KIRREL3: variants seen among roughly 807,000 people sequenced by gnomAD.
KIRREL3 encodes kirre like nephrin family adhesion molecule 3, also known as kin of IRRE-like protein 3.
KIRREL3 carries 36 observed loss-of-function variants against 89.7 expected under a neutral mutation model. That is an observed-to-expected ratio of 0.40 (90% CI 0.31 to 0.53). The LOEUF (loss-of-function observed/expected upper bound fraction) is 0.53. Ranked by LOEUF, KIRREL3 falls within the 20% of genes least tolerant of loss-of-function variation. The probability of loss-of-function intolerance (pLI) is 0.49; values close to 1 mark genes in which losing one functional copy is unlikely to be tolerated. For synonymous variants in KIRREL3, 445 were observed against 441.4 expected, an observed-to-expected ratio of 1.01 and a Z score of -0.10; for missense variants, 864 against 1,056.6, an observed-to-expected ratio of 0.82 and a Z score of 2.53.
intron 1 of KIRREL3, among the ~76,000 whole-genome samples, chr11:126,914,651 A>C (rs1353284175): frequency 6.6e-6 from 1 of 152,230 alleles, no homozygotes; most frequent in African/African-American, 2.4e-5. Flanking sequence ...GGACATTGAG[A>C]ATGCCTGGGT....
intron 1 of KIRREL3, among the ~76,000 whole-genome samples, chr11:126,982,890 G>A (rs1349081294): frequency 6.6e-6 from 1 of 152,186 alleles, no homozygotes; most frequent in African/African-American, 2.4e-5. Flanking sequence ...TTAAAGGAGA[G>A]TTCTCATACT....
Position 126,508,243 on chromosome 11 carries a change from G to T in KIRREL3, c.433+13072C>A, listed in dbSNP as rs1258257749. On this transcript the variant is annotated intron_variant, in intron 4 of 16. Transcript: ENST00000525144. The surrounding 1 kb of genome is among the most constrained non-coding windows in gnomAD (Gnocchi z 4.9). The stretch of plus-strand genomic sequence containing the variant: ...ACATTTTTTGGAAGCCAGTTTTTTC[G>T]GGTTGTGGGACTCAGCTATTTATTT... Among the ~76,000 whole-genome samples, 1 of 152,146 alleles carries T rather than the reference G, an allele frequency of 6.6e-6. No individual in the cohort carries two copies.
At position 126,526,683 on chromosome 11, in the gene KIRREL3, T is replaced by G; in HGVS notation, c.138A>C (p.Gln46His). The change falls in exon 3 of 17, where the codon CAA (glutamine) becomes CAC (histidine). Residue 46 changes from glutamine (Q) to histidine (H), a missense_variant. Gln to His is a conservative substitution (Grantham distance 24). Transcript: ENST00000525144. This position sits in a 1 kb window ranked among gnomAD's most constrained non-coding sequence, Gnocchi z 5.7. ...GGGGCTGCTGGCTGAAGGAATAGAC[T>G]TGGCCTGGGAAGGAGACAAACACAA... is the stretch of plus-strand genomic sequence containing the variant. ...KDKFRRMNEG[Q>H]VYSFSQQPQD... 6.4e-7 allele frequency: 1 copy of G among 1,561,614 alleles called. No individual in the cohort carries two copies. The highest frequency in any genetic ancestry group is 8.7e-7 in the Non-Finnish European group (1 of 1,152,684).
rs915065379 is a variant in KIRREL3, at chr11:126,768,893, G to T, written c.56-205981C>A. 2.6e-5 allele frequency among the ~76,000 whole-genome samples: 4 copies of T among 152,348 alleles called. No individual in the cohort carries two copies. Among genetic ancestry groups the T allele is most frequent in the African/African-American group, 9.6e-5 (4 of 41,584 alleles). Reference sequence around the variant, plus strand: ...AGAGCCATGGCAAGAAGGCGATGTTGCTTCCCACATGCGTGGGAGCCGGTG... The same window carrying T: ...AGAGCCATGGCAAGAAGGCGATGTTTCTTCCCACATGCGTGGGAGCCGGTG... On this transcript the variant is annotated intron_variant, in intron 1 of 16. Transcript: ENST00000525144. This position sits in a 1 kb window ranked among gnomAD's most constrained non-coding sequence, Gnocchi z 4.5.
At chr11:126,725,838 T>TGA (rs1685740839) in intron 1 of KIRREL3, among the ~76,000 whole-genome samples, 1 of 152,172 alleles carries the variant, frequency 6.6e-6, no homozygotes, top group Admixed American at 6.5e-5. Flanking sequence ...CTGAGGGACT[T>TGA]TGTCAAGTTG....
rs1207333196 is a variant in KIRREL3, at chr11:126,558,666, TC to T, written c.133+4168del. On this transcript the variant is annotated intron_variant, in intron 2 of 16. Coordinates refer to ENST00000525144, the MANE Select transcript of KIRREL3 (RefSeq NM_032531.4). This position sits in a 1 kb window ranked among gnomAD's most constrained non-coding sequence, Gnocchi z 4.0. Reference sequence around the variant, plus strand: ...AGCTCTCTGAGGCAGGCACAGCCCCTCCCCTGATACATGTGACAGCCTTCTA... The same window carrying T: ...AGCTCTCTGAGGCAGGCACAGCCCCTCCCTGATACATGTGACAGCCTTCTA... 6.6e-6 allele frequency among the ~76,000 whole-genome samples: 1 copy of T among 152,136 alleles called. No individual in the cohort carries two copies. The highest frequency in any genetic ancestry group is 1.5e-5 in the Non-Finnish European group (1 of 68,018).
Position 126,652,094 on chromosome 11 carries a change from A to G in KIRREL3, c.56-89182T>C, listed in dbSNP as rs1944927943. On this transcript the variant is annotated intron_variant, in intron 1 of 16. Transcript: ENST00000525144. The surrounding 1 kb of genome is among the most constrained non-coding windows in gnomAD (Gnocchi z 4.9). ...ATCAATTCTGGGCCAGGAGGAAGAT[A>G]GGCACTAGTAGGTCTGATCTGTCTG... 6.6e-6 allele frequency among the ~76,000 whole-genome samples: 1 copy of G among 152,214 alleles called. No homozygotes were observed. Among genetic ancestry groups the G allele is most frequent in the African/African-American group, 2.4e-5 (1 of 41,472 alleles).
At chr11:126,672,361 G>A (rs1159707720) in intron 1 of KIRREL3, among the ~76,000 whole-genome samples, 1 of 152,102 alleles carries the variant, frequency 6.6e-6, no homozygotes, top group East Asian at 1.9e-4. Context: ...TACAAATAAA[G>A]TTGTTATAAA....
Position 126,645,724 on chromosome 11 carries a change from C to T in KIRREL3, c.56-82812G>A, listed in dbSNP as rs1944640725. On this transcript the variant is annotated intron_variant, in intron 1 of 16. Transcript: ENST00000525144. This position sits in a 1 kb window ranked among gnomAD's most constrained non-coding sequence, Gnocchi z 4.9. ...AACATTTCCCTGCCTCCCATTCTCCCTCGTTGTACTGAATGGCAGATAAGG... is the reference window on the plus strand; with the variant it reads ...AACATTTCCCTGCCTCCCATTCTCCTTCGTTGTACTGAATGGCAGATAAGG... Among the ~76,000 whole-genome samples the T allele has an allele frequency of 6.6e-6, 1 of 152,210 alleles. No individual in the cohort carries two copies. The highest frequency in any genetic ancestry group is 2.4e-5 in the African/African-American group (1 of 41,450).
At chr11:126,690,677 C>T (rs1040398076) in intron 1 of KIRREL3, among the ~76,000 whole-genome samples, 42 of 152,194 alleles carry the variant, frequency 2.8e-4, no homozygotes, top group Non-Finnish European at 1.0e-4. Context: ...ATGCAGGCTT[C>T]GCTGACTAAT....
At chr11:126,556,576 T>C (rs1392460640) in intron 2 of KIRREL3, among the ~76,000 whole-genome samples, 1 of 152,040 alleles carries the variant, frequency 6.6e-6, no homozygotes, top group Non-Finnish European at 1.5e-5. Context: ...AATTGGAGGC[T>C]ATAGTGAGCC....
chr11:126,592,138 C>A (rs1223695867), intron 1 of KIRREL3, among the ~76,000 whole-genome samples: 1 of 152,192 alleles, frequency 6.6e-6, no homozygotes, highest in Non-Finnish European at 1.5e-5. Context: ...TGGGGACTTG[C>A]ATGTGCTGGG....
rs533547832 is a variant in KIRREL3, at chr11:126,714,342, AGC to A, written c.56-151432_56-151431del. ...TGGCTTAGAGCAGCATAAAGAGGGGAGCGTGTGGCCCAGGCCGAGCCCTGATA... is the reference window on the plus strand; with the variant it reads ...TGGCTTAGAGCAGCATAAAGAGGGGAGTGTGGCCCAGGCCGAGCCCTGATA... On this transcript the variant is annotated intron_variant, in intron 1 of 16. Coordinates refer to ENST00000525144, the MANE Select transcript of KIRREL3 (RefSeq NM_032531.4). 1.1e-3 allele frequency among the ~76,000 whole-genome samples: 160 copies of A among 152,332 alleles called. 2 individuals carry two copies. In the South Asian group the frequency reaches 0.024, roughly 23 times the overall value.
At position 126,475,239 on chromosome 11, in the gene KIRREL3, C is replaced by T. The variant is rs555052693; in HGVS notation, c.434-1773G>A. Among the ~76,000 whole-genome samples the T allele has an allele frequency of 6.6e-6, 1 of 152,164 alleles. No individual in the cohort carries two copies. The highest frequency in any genetic ancestry group is 6.5e-5 in the Admixed American group (1 of 15,282). ...GAAGTTCAGAGCTGAACAGTCACAG[C>T]TCCGGGCCCGTCCTGACTCCACTGG... On this transcript the variant is annotated intron_variant, in intron 4 of 16. Coordinates refer to ENST00000525144, the MANE Select transcript of KIRREL3 (RefSeq NM_032531.4). This position sits in a 1 kb window ranked among gnomAD's most constrained non-coding sequence, Gnocchi z 7.5.
rs141963768 is a variant in KIRREL3 at position 126,928,548 on chromosome 11, C to A, written c.55+71907G>T. Among the ~76,000 whole-genome samples, 133 of 152,264 alleles carry A rather than the reference C, an allele frequency of 8.7e-4. 1 individual carries two copies. Among genetic ancestry groups the A allele is most frequent in the African/African-American group, 3.1e-3 (129 of 41,546 alleles). ...GGCGGACACTGTCATGAGCTGGAGG[C>A]TGAAGCCTGGGACCCCGACGTGGTG... On this transcript the variant is annotated intron_variant, in intron 1 of 16. Transcript: ENST00000525144.
At chr11:126,825,236 A>C (rs1002202490) in intron 1 of KIRREL3, among the ~76,000 whole-genome samples, 3 of 152,178 alleles carry the variant, frequency 2.0e-5, no homozygotes, top group Non-Finnish European at 4.4e-5. Context: ...ATTATGCTTC[A>C]TGTCTGTGCA....
At position 126,606,321 on chromosome 11, in the gene KIRREL3, T is replaced by C. The variant is rs539372910; in HGVS notation, c.56-43409A>G. ...TCGGGTGTATCACTTACTAGCTGTG[T>C]CACTCTGGAGAATTTATGTAGTCTT... On this transcript the variant is annotated intron_variant, in intron 1 of 16. Coordinates refer to ENST00000525144, the MANE Select transcript of KIRREL3 (RefSeq NM_032531.4). The surrounding 1 kb of genome is among the most constrained non-coding windows in gnomAD (Gnocchi z 4.6). 6.6e-6 allele frequency among the ~76,000 whole-genome samples: 1 copy of C among 152,166 alleles called. No homozygotes were observed. Among genetic ancestry groups the C allele is most frequent in the Non-Finnish European group, 1.5e-5 (1 of 68,040 alleles).
chr11:126,799,470 A>ACCTGTAGGCATGTGCAGGTGTG (rs1366373593), intron 1 of KIRREL3, among the ~76,000 whole-genome samples: 9 of 148,846 alleles, frequency 6.0e-5, no homozygotes, highest in African/African-American at 2.0e-4. Flanking sequence ...GCATGTGTGT[A>ACCTGTAGGCATGTGCAGGTGTG]TCTGTGTGTG....
Position 126,431,492 on chromosome 11 carries a change from G to A in KIRREL3, c.1623C>T (p.Ala541=), listed in dbSNP as rs374724153. 61 of 1,613,870 alleles carry A rather than the reference G, an allele frequency of 3.8e-5. No individual in the cohort carries two copies. Among genetic ancestry groups the A allele is most frequent in the Middle Eastern group, 1.6e-4 (1 of 6,084 alleles). The change falls in exon 14 of 17, where the codon GCC becomes GCT. Residue 541 remains alanine, a synonymous_variant. Transcript: ENST00000525144. This position sits in a 1 kb window ranked among gnomAD's most constrained non-coding sequence, Gnocchi z 7.1. ...SVPMAVIIGV[A]VGAGVAFLVL... is the part of the protein sequence containing the mutation. Reference sequence around the variant, plus strand: ...CGAGGAAGGCCACACCAGCTCCTACGGCCACCCCAATGATGACGGCCATCG... The same window carrying A: ...CGAGGAAGGCCACACCAGCTCCTACAGCCACCCCAATGATGACGGCCATCG...
Sources: gnomAD v4.1 joint callset for allele counts (sites outside exome capture counted in the v4.1 genomes callset) on GRCh38, gnomAD v4.1.1 for gene constraint, Gnocchi (gnomAD v3.1) non-coding constraint, MANE v1.5 for transcripts, NCBI Gene and HGNC (gene_info 2026-07-23, HGNC 2026-07-21) for gene names.